FLRT2: variants seen among roughly 807,000 people sequenced by gnomAD.
FLRT2 encodes fibronectin leucine rich transmembrane protein 2.
Under a neutral mutation model 40.0 loss-of-function variants are expected in FLRT2, and 15 were observed. The ratio of observed to expected loss-of-function variants is 0.38; its 90% CI spans 0.25 to 0.58. FLRT2 has a LOEUF of 0.58. Ranked by LOEUF, FLRT2 falls within the 20% of genes least tolerant of loss-of-function variation. FLRT2 has a pLI of 0.71. For missense variants in FLRT2, 726 were observed against 840.0 expected (o/e 0.86, Z 1.68); for synonymous variants, 380 against 336.8 (o/e 1.13, Z -1.41).
chr14:85,535,988 T>A (rs1888639536), intron 1 of FLRT2, among the ~76,000 whole-genome samples: 1 of 145,282 alleles, frequency 6.9e-6, no homozygotes, highest in Middle Eastern at 3.4e-3. Context: ...CATTGCAGTT[T>A]TAGAAATTCC....
At chr14:85,553,228 G>A (rs1889747924) in intron 1 of FLRT2, among the ~76,000 whole-genome samples, 1 of 152,150 alleles carries the variant, frequency 6.6e-6, no homozygotes, top group South Asian at 2.1e-4. Context: ...GCAGCATTAA[G>A]GTTTATTGGC....
At position 85,567,634 on chromosome 14, in the gene FLRT2, C is replaced by CTTT. The variant is rs1566732052; in HGVS notation, c.-377+37100_-377+37101insTTT. Among the ~76,000 whole-genome samples the CTTT allele has an allele frequency of 4.0e-5, 5 of 126,108 alleles. 1 individual carries two copies. Among genetic ancestry groups the CTTT allele is most frequent in the Non-Finnish European group, 3.2e-5 (2 of 61,580 alleles). 82.7% of individuals were successfully genotyped at this position (126,108 alleles called of 152,430 possible). The stretch of plus-strand genomic sequence containing the variant: ...GGCCTAGCACACGGGAAGTGACTTA[C>CTTT]ATTTTTTTTTTTTTTTTTTTTTTTG... On this transcript the variant is annotated intron_variant, in intron 1 of 1. Coordinates refer to ENST00000330753, the MANE Select transcript of FLRT2 (RefSeq NM_013231.6).
At chr14:85,597,988 C>A (rs1385960520) in intron 1 of FLRT2, among the ~76,000 whole-genome samples, 1 of 152,202 alleles carries the variant, frequency 6.6e-6, no homozygotes, top group African/African-American at 2.4e-5. Context: ...GGGAACTCAT[C>A]TGAGCTGATC....
rs1284295266 is a variant in FLRT2, at chr14:85,630,970, G to C, written c.*7473G>C. 1 of 151,432 alleles carries C rather than the reference G, an allele frequency of 6.6e-6. No individual in the cohort carries two copies. The highest frequency in any genetic ancestry group is 6.6e-5 in the Admixed American group (1 of 15,182). The allele number at this position is 151,432 out of a possible 1,614,324, so 9.4% of individuals were successfully genotyped here. On this transcript the variant is annotated 3_prime_UTR_variant, in exon 2 of 2. Transcript: ENST00000330753. ...TGCTTGCAAAACATGCGTTTTTATTGCTTGCAAGATAGAATTCAAACTCTT... is the reference window on the plus strand; with the variant it reads ...TGCTTGCAAAACATGCGTTTTTATTCCTTGCAAGATAGAATTCAAACTCTT...
In FLRT2 at chr14:85,648,088, T is replaced by C. The variant is rs1484083958; in HGVS notation, c.*24591T>C. 2 of 152,224 alleles carry C rather than the reference T, an allele frequency of 1.3e-5. No individual in the cohort carries two copies. Among genetic ancestry groups the C allele is most frequent in the Non-Finnish European group, 2.9e-5 (2 of 68,014 alleles). The allele number at this position is 152,224 out of a possible 1,614,324, so 9.4% of individuals were successfully genotyped here. On this transcript the variant is annotated 3_prime_UTR_variant, in exon 2 of 2. Coordinates refer to ENST00000330753, the MANE Select transcript of FLRT2 (RefSeq NM_013231.6). ...ACAGACTATCAGCTTGAAACTATGA[T>C]TGGAATTGAAGGTTAAAGAAAACCC...
Position 85,627,577 on chromosome 14 carries a change from TAC to T in FLRT2, c.*4102_*4103del, listed in dbSNP as rs34410873. On this transcript the variant is annotated 3_prime_UTR_variant, in exon 2 of 2. Coordinates refer to ENST00000330753, the MANE Select transcript of FLRT2 (RefSeq NM_013231.6). ...TTATTATCAAACATGCACATGCTTG[TAC>T]ACACACACACACACACACACAAACA... 384 of 161,760 alleles carry T rather than the reference TAC, an allele frequency of 2.4e-3. No homozygotes were observed. The highest frequency in any genetic ancestry group is 7.3e-4 in the Admixed American group (11 of 15,032). The allele number at this position is 161,760 out of a possible 1,614,324, so 10.0% of individuals were successfully genotyped here. A position where few individuals can be genotyped will look rare whatever the true frequency, so the allele number is the denominator to read the frequency against.
Position 85,649,496 on chromosome 14 carries a change from T to G in FLRT2, c.*25999T>G, listed in dbSNP as rs544516776. The G allele has an allele frequency of 6.6e-6, 1 of 152,228 alleles. No individual in the cohort carries two copies. Among genetic ancestry groups the G allele is most frequent in the African/African-American group, 2.4e-5 (1 of 41,560 alleles). The allele number at this position is 152,228 out of a possible 1,614,324, so 9.4% of individuals were successfully genotyped here. A position where few individuals can be genotyped will look rare whatever the true frequency, so the allele number is the denominator to read the frequency against. On this transcript the variant is annotated 3_prime_UTR_variant, in exon 2 of 2. Transcript: ENST00000330753. ...TTGTCAGATGAACTCCTTAACCACA[T>G]TTGTTATCAGTAGCACACAATATAT...
At chr14:85,599,644 C>A (rs900163393) in intron 1 of FLRT2, among the ~76,000 whole-genome samples, 1 of 152,172 alleles carries the variant, frequency 6.6e-6, no homozygotes, top group African/African-American at 2.4e-5. Flanking sequence ...GTACCTTAGC[C>A]ATTAATTAAT....
At chr14:85,591,615 G>A (rs1301561308) in intron 1 of FLRT2, among the ~76,000 whole-genome samples, 1 of 152,220 alleles carries the variant, frequency 6.6e-6, no homozygotes, top group Non-Finnish European at 1.5e-5. Context: ...AAGTTACAGA[G>A]CAGGTTGTAA....
intron 1 of FLRT2, among the ~76,000 whole-genome samples, chr14:85,583,439 G>C (rs1447056917): frequency 6.6e-6 from 1 of 152,148 alleles, no homozygotes; most frequent in East Asian, 1.9e-4. Context: ...TTGAGCAACT[G>C]ATGAGCACTC....
intron 1 of FLRT2, among the ~76,000 whole-genome samples, chr14:85,600,599 G>A (rs190081546): frequency 6.6e-6 from 1 of 152,240 alleles, no homozygotes; most frequent in East Asian, 1.9e-4. Context: ...AGAAGTCAAG[G>A]CAAAGGAAAA....
chr14:85,568,568 AGGT>A (rs767158420), intron 1 of FLRT2, among the ~76,000 whole-genome samples: 9 of 152,210 alleles, frequency 5.9e-5, no homozygotes, highest in Non-Finnish European at 1.0e-4. Flanking sequence ...ATTGCACAAG[AGGT>A]GGTGTTTGGG....
At chr14:85,594,351 G>A (rs752106241) in intron 1 of FLRT2, among the ~76,000 whole-genome samples, 42 of 152,190 alleles carry the variant, frequency 2.8e-4, no homozygotes, top group Non-Finnish European at 4.7e-4. Context: ...TGTGTGGAAT[G>A]TGTGTACACG....
In FLRT2 at chr14:85,644,670, G is replaced by A. The variant is rs796936709; in HGVS notation, c.*21173G>A. 4 of 152,264 alleles carry A rather than the reference G, an allele frequency of 2.6e-5. No homozygotes were observed. The highest frequency in any genetic ancestry group is 9.6e-5 in the African/African-American group (4 of 41,548). 9.4% of individuals were successfully genotyped at this position (152,264 alleles called of 1,614,324 possible). Reference sequence around the variant, plus strand: ...TGATGGGCTCCCTGGATGTTTGAAGGCAACATATACTAGTTTTAGATGCGC... The same window carrying A: ...TGATGGGCTCCCTGGATGTTTGAAGACAACATATACTAGTTTTAGATGCGC... On this transcript the variant is annotated 3_prime_UTR_variant, in exon 2 of 2. Transcript: ENST00000330753.
intron 1 of FLRT2, among the ~76,000 whole-genome samples, chr14:85,602,480 A>C (rs1034995315): frequency 6.6e-6 from 1 of 152,186 alleles, no homozygotes; most frequent in Non-Finnish European, 1.5e-5. Flanking sequence ...AGAAATCAGG[A>C]TTGATTACGT....
At chr14:85,534,533 G>A (rs1389880627) in intron 1 of FLRT2, among the ~76,000 whole-genome samples, 2 of 152,146 alleles carry the variant, frequency 1.3e-5, no homozygotes, top group Non-Finnish European at 2.9e-5. Context: ...AACTTTAGAA[G>A]TTACATTTTC....
At chr14:85,580,720 T>C (rs1280337505) in intron 1 of FLRT2, among the ~76,000 whole-genome samples, 1 of 139,472 alleles carries the variant, frequency 7.2e-6, no homozygotes, top group Non-Finnish European at 1.5e-5. Context: ...TCATGTGGGC[T>C]GGTGAGGAAA....
At chr14:85,577,340 T>C (rs1260338541) in intron 1 of FLRT2, among the ~76,000 whole-genome samples, 1 of 152,168 alleles carries the variant, frequency 6.6e-6, no homozygotes, top group Non-Finnish European at 1.5e-5. Flanking sequence ...GACAAATGAA[T>C]CCATTTTCCC....
intron 1 of FLRT2, among the ~76,000 whole-genome samples, chr14:85,558,573 T>A (rs1345349987): frequency 6.6e-6 from 1 of 152,196 alleles, no homozygotes; most frequent in African/African-American, 2.4e-5. Context: ...AGGAGGAGTC[T>A]CTTTCGGTGT....
Sources: allele counts gnomAD v4.1 joint callset (sites outside exome capture counted in the v4.1 genomes callset), GRCh38; gene constraint gnomAD v4.1.1; transcripts MANE v1.5; gene names NCBI Gene and HGNC (gene_info 2026-07-23, HGNC 2026-07-21).